Variants in RNF216 observed in about 807,000 individuals in gnomAD.
RNF216 encodes the protein E3 ubiquitin-protein ligase RNF216.
In RNF216, 72 loss-of-function variants were observed where a neutral mutation model predicts 110.8. The observed-to-expected ratio is 0.65, with a 90% CI of 0.54 to 0.79. RNF216 has a LOEUF of 0.79. Ranked by LOEUF, RNF216 falls within the 30% of genes least tolerant of loss-of-function variation. RNF216 has a pLI of 0.00. For synonymous variants in RNF216, 495 were observed against 407.5 expected (o/e 1.21, Z -2.59); for missense variants, 1,342 against 1,141.2 (o/e 1.18, Z -2.54).
In RNF216 at chr7:5,621,698, G is replaced by C. The variant is rs892452580; in HGVS notation, c.*1162C>G. The C allele has an allele frequency of 6.6e-6, 1 of 152,652 alleles. No homozygotes were observed. The highest frequency in any genetic ancestry group is 1.5e-5 in the Non-Finnish European group (1 of 68,398). 9.5% of individuals were successfully genotyped at this position (152,652 alleles called of 1,614,324 possible). On this transcript the variant is annotated 3_prime_UTR_variant, in exon 17 of 17. Coordinates refer to ENST00000389902, the MANE Select transcript of RNF216 (RefSeq NM_207111.4). ...ACGACAAGGACAAGGCAGGGCATGA[G>C]GAGGAGGAGAAAGTGATGCCTGTGG...
intron 13 of RNF216, among the ~76,000 whole-genome samples, chr7:5,707,704 A>AGTGT (rs143238225): frequency 2.5e-4 from 35 of 141,800 alleles, no homozygotes; most frequent in African/African-American, 7.6e-4. Context: ...AAAGCTTTTC[A>AGTGT]GTGTGTGTGT....
chr7:5,759,588 A>C (rs895944455), intron 2 of RNF216, among the ~76,000 whole-genome samples: 1 of 151,694 alleles, frequency 6.6e-6, no homozygotes, highest in Non-Finnish European at 1.5e-5. Context: ...CTTCCAGTCA[A>C]CAGTAGGCTA....
At chr7:5,678,475 G>A (rs1790445160) in intron 13 of RNF216, among the ~76,000 whole-genome samples, 1 of 152,198 alleles carries the variant, frequency 6.6e-6, no homozygotes, top group African/African-American at 2.4e-5. Flanking sequence ...GCCACCTGGC[G>A]TCCCCACATG....
intron 4 of RNF216, 148 bp from the exon 5 acceptor site, chr7:5,739,500 A>G: frequency 1.3e-6 from 1 of 769,288 alleles, no homozygotes; most frequent in Non-Finnish European, 2.3e-6. Context: ...CAAATTCAAC[A>G]CTAGTTCCCA....
chr7:5,695,769 G>T (rs1791587294), intron 13 of RNF216, among the ~76,000 whole-genome samples: 1 of 152,170 alleles, frequency 6.6e-6, no homozygotes. Flanking sequence ...TGGTCAAACT[G>T]TTCCCTTATG....
intron 13 of RNF216, among the ~76,000 whole-genome samples, chr7:5,654,173 C>G (rs1184177503): frequency 1.3e-5 from 2 of 152,048 alleles, no homozygotes; most frequent in African/African-American, 4.8e-5. Flanking sequence ...GGGTGGTGGG[C>G]AAGGACAGGT....
At chr7:5,657,990 G>C (rs1788852839) in intron 13 of RNF216, among the ~76,000 whole-genome samples, 1 of 152,256 alleles carries the variant, frequency 6.6e-6, no homozygotes, top group Non-Finnish European at 1.5e-5. Flanking sequence ...TCTACTGAGA[G>C]AGTTACATAT....
rs757851314 is a variant in RNF216, at chr7:5,741,655, G to A, written c.362C>T (p.Ser121Phe). Residue 121 changes from serine to phenylalanine, a missense_variant, in exon 4 of 17, where the codon TCT becomes TTT. By Grantham distance (155) the Ser-to-Phe change is radical (BLOSUM62 -2). Coordinates refer to ENST00000389902, the MANE Select transcript of RNF216 (RefSeq NM_207111.4). ...ATCCTCAGAATCATCCTGTGCCCCA[G>A]AATCAAACAATGGGTTGTTACACAC... ...FSVCNNPLFD[S>F]GAQDDSEDDY... 2.5e-6 allele frequency: 4 copies of A among 1,613,992 alleles called. No homozygotes were observed. The highest frequency in any genetic ancestry group is 2.2e-5 in the South Asian group (2 of 91,088).
At chr7:5,652,628 C>T in intron 13 of RNF216, 118 bp from the exon 14 acceptor site, 1 of 701,930 alleles carries the variant, frequency 1.4e-6, no homozygotes, top group Non-Finnish European at 2.6e-6. Context: ...TCAGAGGATG[C>T]CTCTCCTTTT....
Position 5,729,441 on chromosome 7 carries a change from G to A in RNF216, c.1380C>T (p.Ile460=), listed in dbSNP as rs778035430. ...AGACCAAGTAGAGTACCTTTCGGGTGATTGCATAGTGTCCTTTGAGCTCGT... is the reference window on the plus strand; with the variant it reads ...AGACCAAGTAGAGTACCTTTCGGGTAATTGCATAGTGTCCTTTGAGCTCGT... ...ALHELKGHYA[I]TRKALSDAIK... Residue 460 remains isoleucine, a synonymous_variant, in exon 7 of 17, where the codon ATC becomes ATT. Transcript: ENST00000389902. 46 of 1,614,006 alleles carry A rather than the reference G, an allele frequency of 2.9e-5. No individual in the cohort carries two copies. The highest frequency in any genetic ancestry group is 3.7e-5 in the Non-Finnish European group (44 of 1,180,004).
chr7:5,700,146 A>T (rs564487031), intron 13 of RNF216, among the ~76,000 whole-genome samples: 1 of 152,254 alleles, frequency 6.6e-6, no homozygotes, highest in South Asian at 2.1e-4. Context: ...TTACCATAGC[A>T]ACAATTTCTC....
chr7:5,768,388 C>CACACACACACACACACACACACACACAA (rs1178128435), intron 1 of RNF216, among the ~76,000 whole-genome samples: 1 of 148,650 alleles, frequency 6.7e-6, no homozygotes, highest in Non-Finnish European at 1.5e-5. Flanking sequence ...CACACACACA[C>CACACACACACACACACACACACACACAA]ACACAGCTTA....
chr7:5,710,289 G>A (rs1373585980), intron 13 of RNF216, among the ~76,000 whole-genome samples: 3 of 152,098 alleles, frequency 2.0e-5, no homozygotes, highest in African/African-American at 4.8e-5. Context: ...GAAGCCAGGA[G>A]GCGGAGGTTG....
intron 13 of RNF216, among the ~76,000 whole-genome samples, chr7:5,705,620 C>A (rs1792229326): frequency 6.6e-6 from 1 of 151,998 alleles, no homozygotes; most frequent in East Asian, 1.9e-4. Context: ...TTAAAAAAAA[C>A]TGCGGTAGGC....
chr7:5,737,749 T>A (rs929013207), intron 5 of RNF216, among the ~76,000 whole-genome samples: 7 of 152,060 alleles, frequency 4.6e-5, no homozygotes, highest in Non-Finnish European at 8.8e-5. Flanking sequence ...AACTACAGTA[T>A]AAGATAGGAA....
chr7:5,633,275 C>G (rs919369952), intron 15 of RNF216, among the ~76,000 whole-genome samples: 2 of 151,954 alleles, frequency 1.3e-5, no homozygotes, highest in African/African-American at 4.8e-5. Context: ...CTGCGCCCAG[C>G]TGGAAGAGCT....
At chr7:5,653,710 T>A (rs776547253) in intron 13 of RNF216, among the ~76,000 whole-genome samples, 4 of 151,582 alleles carry the variant, frequency 2.6e-5, no homozygotes, top group Non-Finnish European at 5.9e-5. Context: ...GAAAACATAG[T>A]GTTGTCAGTT....
At chr7:5,729,694 T>C in intron 6 of RNF216, 98 bp from the exon 7 acceptor site, 4 of 1,027,232 alleles carry the variant, frequency 3.9e-6, no homozygotes, top group Non-Finnish European at 5.7e-6. Context: ...AAGAATAACA[T>C]TTGTTCTAAT....
intron 13 of RNF216, among the ~76,000 whole-genome samples, chr7:5,666,065 C>T (rs1789494054): frequency 6.6e-6 from 1 of 151,124 alleles, no homozygotes; most frequent in South Asian, 2.1e-4. Flanking sequence ...ACTCGGGAGG[C>T]TGAGGCAGGA....
Sources: allele counts gnomAD v4.1 joint callset (sites outside exome capture counted in the v4.1 genomes callset), GRCh38; gene constraint gnomAD v4.1.1; transcripts MANE v1.5; gene names NCBI Gene and HGNC (gene_info 2026-07-23, HGNC 2026-07-21).